ARHGAP10: variants seen among roughly 807,000 people sequenced by gnomAD.
ARHGAP10 encodes the protein Rho GTPase activating protein 10, also known as rho GTPase-activating protein 10.
A neutral mutation model predicts 108.6 loss-of-function variants in ARHGAP10; 87 were observed. The observed-to-expected ratio is 0.80, with a 90% CI of 0.67 to 0.96. The LOEUF is 0.96. Ranked by LOEUF, ARHGAP10 falls within the 40% of genes least tolerant of loss-of-function variation. The pLI is 0.00. For missense variants in ARHGAP10, 939 were observed against 954.5 expected, an observed-to-expected ratio of 0.98 and a Z score of 0.21; for synonymous variants, 347 against 341.1, an observed-to-expected ratio of 1.02 and a Z score of -0.19.
chr4:147,947,362 T>C (rs1028803209), intron 15 of ARHGAP10, among the ~76,000 whole-genome samples: 1 of 152,076 alleles, frequency 6.6e-6, no homozygotes, highest in Non-Finnish European at 1.5e-5. Context: ...GTGGTTCTGT[T>C]GGGAACTTAG....
At chr4:147,923,284 C>T (rs552116532) in intron 13 of ARHGAP10, among the ~76,000 whole-genome samples, 1 of 152,114 alleles carries the variant, frequency 6.6e-6, no homozygotes, top group Admixed American at 6.6e-5. Flanking sequence ...GTAATTACAT[C>T]ATTTCTTTGA....
rs1282881668 is a variant in ARHGAP10 at position 148,072,496 on chromosome 4, G to A, written c.*415G>A. ...TTTAAAGGGAACTGTACTACTCGCA[G>A]TGATAGGTTTGCAGAGTGTGTGCTT... On this transcript the variant is annotated 3_prime_UTR_variant, in exon 23 of 23. Coordinates refer to ENST00000336498, the MANE Select transcript of ARHGAP10 (RefSeq NM_024605.4). The A allele has an allele frequency of 6.0e-6, 1 of 166,532 alleles. No individual in the cohort carries two copies. Among genetic ancestry groups the A allele is most frequent in the East Asian group, 1.7e-4 (1 of 5,754 alleles). 10.3% of individuals were successfully genotyped at this position (166,532 alleles called of 1,614,324 possible).
At chr4:148,028,657 A>G (rs539409959) in intron 19 of ARHGAP10, among the ~76,000 whole-genome samples, 4 of 152,322 alleles carry the variant, frequency 2.6e-5, no homozygotes, top group African/African-American at 9.6e-5. Flanking sequence ...GAGTTGTAAC[A>G]TTTTGAAAAT....
chr4:147,887,998 C>T (rs1735638733), intron 10 of ARHGAP10, among the ~76,000 whole-genome samples: 2 of 151,862 alleles, frequency 1.3e-5, no homozygotes, highest in Admixed American at 6.6e-5. Flanking sequence ...GCCTGGTGGT[C>T]GATTCCCAGT....
At chr4:147,742,877 GT>G (rs1206191565) in intron 1 of ARHGAP10, among the ~76,000 whole-genome samples, 5 of 145,954 alleles carry the variant, frequency 3.4e-5, no homozygotes, top group Non-Finnish European at 6.0e-5. Flanking sequence ...CCATAATAGT[GT>G]TGAAATCTGA....
intron 18 of ARHGAP10, among the ~76,000 whole-genome samples, chr4:148,003,959 G>A (rs1205110759): frequency 1.7e-5 from 2 of 114,324 alleles, no homozygotes; most frequent in East Asian, 2.1e-4. Flanking sequence ...GCTAAGAGAC[G>A]TGAGAGAAAT....
rs1477635736 is a variant in ARHGAP10, at chr4:147,966,756, C to A, written c.1633C>A (p.Pro545Thr). ...GVVFGPTLMRPQEETVAALMD... is the reference protein window; with the variant it reads ...GVVFGPTLMRTQEETVAALMD... ...GGTGTTTGGACCAACTCTGATGAGG[C>A]CACAGGAAGAAACTGTCGCTGCCCT... is the stretch of plus-strand genomic sequence containing the variant. The change falls in exon 18 of 23, where the codon CCA becomes ACA. Residue 545 changes from proline to threonine, a missense_variant. By Grantham distance (38) the Pro-to-Thr change is conservative (BLOSUM62 -1). Transcript: ENST00000336498. 2 of 1,607,762 alleles carry A rather than the reference C, an allele frequency of 1.2e-6. No homozygotes were observed. The highest frequency in any genetic ancestry group is 2.7e-5 in the African/African-American group (2 of 74,864).
chr4:147,909,676 GAAT>G, intron 11 of ARHGAP10, 53 bp from the exon 12 acceptor site: 1 of 1,457,724 alleles, frequency 6.9e-7, no homozygotes, highest in Non-Finnish European at 9.6e-7. Context: ...GTGCCTACTT[GAAT>G]AATTTTTGCT....
intron 1 of ARHGAP10, among the ~76,000 whole-genome samples, chr4:147,762,686 C>T (rs1024017041): frequency 1.3e-4 from 20 of 149,966 alleles, no homozygotes; most frequent in African/African-American, 4.5e-4. Context: ...CCTGCCACCA[C>T]GCCCGGCTAA....
chr4:147,780,214 T>C (rs1266983430), intron 1 of ARHGAP10, among the ~76,000 whole-genome samples: 1 of 152,164 alleles, frequency 6.6e-6, no homozygotes, highest in African/African-American at 2.4e-5. Flanking sequence ...CACTTCCCCT[T>C]TTCTGTGGCT....
chr4:147,878,038 G>A (rs527246330), intron 8 of ARHGAP10, among the ~76,000 whole-genome samples: 48 of 151,258 alleles, frequency 3.2e-4, no homozygotes, highest in Non-Finnish European at 5.9e-4. Flanking sequence ...CTGGGTTCAA[G>A]CCATTCTTCT....
At chr4:147,990,187 C>A (rs186248443) in intron 18 of ARHGAP10, among the ~76,000 whole-genome samples, 3 of 152,308 alleles carry the variant, frequency 2.0e-5, no homozygotes, top group East Asian at 3.9e-4. Context: ...TGAATTCTTA[C>A]GAATGTCTCC....
chr4:147,764,404 G>GA (rs1326574120), intron 1 of ARHGAP10, among the ~76,000 whole-genome samples: 1 of 151,936 alleles, frequency 6.6e-6, no homozygotes, highest in African/African-American at 2.4e-5. Flanking sequence ...AACACTATAG[G>GA]AAGTGCCTGT....
At chr4:147,804,016 A>G (rs1731682272) in intron 1 of ARHGAP10, among the ~76,000 whole-genome samples, 1 of 140,282 alleles carries the variant, frequency 7.1e-6, no homozygotes, top group African/African-American at 2.6e-5. Flanking sequence ...TTTTTCTTTC[A>G]GGTTCAGGGG....
rs549145340 is a variant in ARHGAP10, at chr4:147,946,386, C to T, written c.1304-231C>T. The T allele has an allele frequency of 1.2e-5, 5 of 423,644 alleles. No homozygotes were observed. In the East Asian group the frequency reaches 1.4e-4, roughly 12 times the overall value. 26.2% of individuals were successfully genotyped at this position (423,644 alleles called of 1,614,324 possible). A position where few individuals can be genotyped will look rare whatever the true frequency, so the allele number is the denominator to read the frequency against. Reference sequence around the variant, plus strand: ...GTCTAATTCTTCCTTACTCCCAACCCATCTCTTATTTTTTGCTTTGATCTC... The same window carrying T: ...GTCTAATTCTTCCTTACTCCCAACCTATCTCTTATTTTTTGCTTTGATCTC... On this transcript the variant is annotated intron_variant, in intron 14 of 22. Coordinates refer to ENST00000336498, the MANE Select transcript of ARHGAP10 (RefSeq NM_024605.4).
At chr4:147,788,039 G>T (rs1026108056) in intron 1 of ARHGAP10, among the ~76,000 whole-genome samples, 1 of 152,120 alleles carries the variant, frequency 6.6e-6, no homozygotes, top group Non-Finnish European at 1.5e-5. Context: ...ATTTATCATC[G>T]GTTCCTCTCC....
chr4:148,016,105 C>T (rs1741334537), intron 18 of ARHGAP10, among the ~76,000 whole-genome samples: 1 of 152,014 alleles, frequency 6.6e-6, no homozygotes, highest in Admixed American at 6.6e-5. Flanking sequence ...TGGCAAGTAC[C>T]CAAAAGTTGC....
At chr4:148,002,004 G>A (rs1740742559) in intron 18 of ARHGAP10, among the ~76,000 whole-genome samples, 1 of 152,168 alleles carries the variant, frequency 6.6e-6, no homozygotes, top group Non-Finnish European at 1.5e-5. Flanking sequence ...TTTTCAAAGG[G>A]AATGCTTCCA....
intron 1 of ARHGAP10, among the ~76,000 whole-genome samples, chr4:147,775,892 G>A (rs1730269714): frequency 6.6e-6 from 1 of 152,102 alleles, no homozygotes; most frequent in Admixed American, 6.6e-5. Context: ...TATAATGTAT[G>A]TTATTTGACC....
Sources: gnomAD v4.1 joint callset for allele counts (sites outside exome capture counted in the v4.1 genomes callset) on GRCh38, gnomAD v4.1.1 for gene constraint, MANE v1.5 for transcripts, NCBI Gene and HGNC (gene_info 2026-07-23, HGNC 2026-07-21) for gene names.